CGNL1: variants seen among roughly 807,000 people sequenced by gnomAD.
The protein encoded by CGNL1 is cingulin-like protein 1.
A neutral mutation model predicts 141.2 loss-of-function variants in CGNL1; 132 were observed. The ratio of observed to expected loss-of-function variants is 0.93; its 90% CI spans 0.81 to 1.08. CGNL1 has a LOEUF of 1.08. CGNL1 is among the 50% of genes least tolerant of loss of function. The pLI, the probability that CGNL1 is intolerant of heterozygous loss-of-function variation, is 0.00. For synonymous variants in CGNL1, 690 were observed against 622.1 expected, an observed-to-expected ratio of 1.11 and a Z score of -1.63; for missense variants, 1,870 against 1,588.6, an observed-to-expected ratio of 1.18 and a Z score of -3.01.
At chr15:57,517,265 C>G (rs1279396647) in intron 9 of CGNL1, among the ~76,000 whole-genome samples, 1 of 152,234 alleles carries the variant, frequency 6.6e-6, no homozygotes, top group Non-Finnish European at 1.5e-5. Flanking sequence ...CCTTCCATGG[C>G]TTCACACAGG....
At chr15:57,387,297 C>CT (rs1285597451) in intron 1 of CGNL1, among the ~76,000 whole-genome samples, 2 of 152,142 alleles carry the variant, frequency 1.3e-5, no homozygotes, top group African/African-American at 4.8e-5. Context: ...TACCTGGTGT[C>CT]TTTTTTGCAG....
chr15:57,463,808 T>C (rs1249819744), intron 8 of CGNL1, among the ~76,000 whole-genome samples: 2 of 152,116 alleles, frequency 1.3e-5, no homozygotes, highest in Non-Finnish European at 2.9e-5. Context: ...ACGTGTAGAG[T>C]GACTTGCTCC....
intron 1 of CGNL1, among the ~76,000 whole-genome samples, chr15:57,394,345 G>A (rs1436820348): frequency 2.0e-5 from 3 of 151,886 alleles, no homozygotes; most frequent in African/African-American, 4.8e-5. Context: ...GGCTGCTCTC[G>A]AACTCCCGAC....
At chr15:57,406,546 G>T (rs2062725256) in intron 1 of CGNL1, among the ~76,000 whole-genome samples, 1 of 152,180 alleles carries the variant, frequency 6.6e-6, no homozygotes, top group African/African-American at 2.4e-5. Flanking sequence ...TGTGGAATTT[G>T]TTCTGCAATC....
chr15:57,400,525 C>T (rs1490404064), intron 1 of CGNL1, among the ~76,000 whole-genome samples: 1 of 152,156 alleles, frequency 6.6e-6, no homozygotes. Flanking sequence ...ACAGCACACA[C>T]AGCTTTGGAT....
At chr15:57,536,779 C>T (rs1208745143) in intron 14 of CGNL1, among the ~76,000 whole-genome samples, 3 of 152,160 alleles carry the variant, frequency 2.0e-5, no homozygotes, top group Non-Finnish European at 4.4e-5. Context: ...TCAGGGCTTT[C>T]AAGGTGAAGT....
Position 57,548,981 on chromosome 15 carries a change from C to G in CGNL1, c.*1491C>G, listed in dbSNP as rs1171265388. On this transcript the variant is annotated 3_prime_UTR_variant, in exon 19 of 19. Transcript: ENST00000281282. ...AGGAAGGGAAGAAAGAAACAGAAGT[C>G]AGGCAGAGGCGTGTCTGTGCAAACT... 1 of 152,378 alleles carries G rather than the reference C, an allele frequency of 6.6e-6. No individual in the cohort carries two copies. The highest frequency in any genetic ancestry group is 2.4e-5 in the African/African-American group (1 of 41,438). The allele number at this position is 152,378 out of a possible 1,614,324, so 9.4% of individuals were successfully genotyped here. A position where few individuals can be genotyped will look rare whatever the true frequency, so the allele number is the denominator to read the frequency against.
intron 10 of CGNL1, among the ~76,000 whole-genome samples, chr15:57,519,142 G>A (rs1333733567): frequency 6.6e-6 from 1 of 152,218 alleles, no homozygotes; most frequent in Non-Finnish European, 1.5e-5. Context: ...AGAAAGGCCT[G>A]TACTGCCGTT....
At chr15:57,531,851 G>T (rs1234071325) in intron 14 of CGNL1, 72 bp downstream of exon 14, 2 of 965,664 alleles carry the variant, frequency 2.1e-6, no homozygotes. Context: ...TAATCCTGGG[G>T]CTTCAGTTAA....
chr15:57,453,795 AG>A lies in CGNL1; in HGVS notation c.2170del (p.Glu724ArgfsTer5). ...ELDSAKRSED[R>X]EKGALIEELL... is the part of the protein sequence containing the mutation. ...GGACAGTGCAAAGCGATCGGAGGAC[AG>A]GGAGAAGGGAGCTCTGATTGAGGTA... On this transcript the variant is annotated frameshift_variant, in exon 7 of 19. Transcript: ENST00000281282. LOFTEE classifies it high-confidence loss of function. 6.2e-7 allele frequency: 1 copy of A among 1,613,722 alleles called. No individual in the cohort carries two copies. Among genetic ancestry groups the A allele is most frequent in the Non-Finnish European group, 8.5e-7 (1 of 1,179,906 alleles).
chr15:57,479,816 G>A (rs12594504), intron 8 of CGNL1, among the ~76,000 whole-genome samples: 19,512 of 152,160 alleles, frequency 0.13, 1,840 homozygotes, highest in East Asian at 0.45. Flanking sequence ...CAAAGGGATA[G>A]TGAGAAGATG....
rs2033054340 is a variant in CGNL1 at position 57,550,250 on chromosome 15, C to T, written c.*2760C>T. On this transcript the variant is annotated 3_prime_UTR_variant, in exon 19 of 19. Transcript: ENST00000281282. The stretch of plus-strand genomic sequence containing the variant: ...GAAGGGTTTTCAAGTCCCGGCTCAT[C>T]TCACCCCAGTGACTTTGACAGTGTG... The T allele has an allele frequency of 6.6e-6, 1 of 152,524 alleles. No homozygotes were observed. Among genetic ancestry groups the T allele is most frequent in the Non-Finnish European group, 1.5e-5 (1 of 68,056 alleles). The allele number at this position is 152,524 out of a possible 1,614,324, so 9.4% of individuals were successfully genotyped here. A position where few individuals can be genotyped will look rare whatever the true frequency, so the allele number is the denominator to read the frequency against.
chr15:57,387,135 T>A (rs1567087161), intron 1 of CGNL1, among the ~76,000 whole-genome samples: 2 of 152,234 alleles, frequency 1.3e-5, no homozygotes, highest in Admixed American at 6.5e-5. Flanking sequence ...CTCATCTATT[T>A]TCTGTTTCTG....
rs1343456375 is a variant in CGNL1 at position 57,452,159 on chromosome 15, GAAGA to G, written c.1925_1928del (p.Glu642GlyfsTer5). The G allele has an allele frequency of 2.5e-6, 4 of 1,613,128 alleles. No individual in the cohort carries two copies. In the African/African-American group the frequency reaches 4.0e-5, roughly 16 times the overall value. On this transcript the variant is annotated frameshift_variant, in exon 6 of 19. Transcript: ENST00000281282. LOFTEE classifies it high-confidence loss of function. ...CTGTTAGAATCAACAGAACATTAAA[GAAGA>G]GAGAGAGAGGATGAGAGCAAACCTA...
At chr15:57,432,548 A>G (rs1318104506) in intron 1 of CGNL1, among the ~76,000 whole-genome samples, 1 of 152,180 alleles carries the variant, frequency 6.6e-6, no homozygotes, top group Non-Finnish European at 1.5e-5. Flanking sequence ...AAGTGCCACA[A>G]TGTTGCATCC....
intron 1 of CGNL1, among the ~76,000 whole-genome samples, chr15:57,399,380 TC>T (rs1287845869): frequency 1.3e-5 from 2 of 152,204 alleles, no homozygotes; most frequent in Non-Finnish European, 2.9e-5. Context: ...TTTAATTTAA[TC>T]CCCAAATTCT....
Position 57,547,420 on chromosome 15 carries a change from G to A in CGNL1, c.3839G>A (p.Gly1280Glu), listed in dbSNP as rs750418145. The A allele has an allele frequency of 1.5e-5, 25 of 1,614,082 alleles. No homozygotes were observed. Among genetic ancestry groups the A allele is most frequent in the Non-Finnish European group, 2.0e-5 (24 of 1,180,032 alleles). ...MDDDDDLSTD[G>E]GSLYEAPVSY... ...GACGACGATGACCTCAGCACGGATG[G>A]GGGAAGCCTCTATGAGGCGCCTGTG... is the stretch of plus-strand genomic sequence containing the variant. Residue 1280 changes from glycine (G) to glutamate (E), a missense_variant, in exon 19 of 19, where the codon GGG becomes GAG. Coordinates refer to ENST00000281282, the MANE Select transcript of CGNL1 (RefSeq NM_032866.5).
Position 57,392,117 on chromosome 15 carries a change from G to C in CGNL1, c.-16+15550G>C, listed in dbSNP as rs532608278. Among the ~76,000 whole-genome samples, 3 of 152,280 alleles carry C rather than the reference G, an allele frequency of 2.0e-5. No individual in the cohort carries two copies. In the South Asian group the frequency reaches 6.2e-4, roughly 32 times the overall value. ...GGTTATTTCTGGGCCATGGGATGGTGCTGTGGTTTTGTTTTCCATTTCATG... is the reference window on the plus strand; with the variant it reads ...GGTTATTTCTGGGCCATGGGATGGTCCTGTGGTTTTGTTTTCCATTTCATG... On this transcript the variant is annotated intron_variant, in intron 1 of 18. Transcript: ENST00000281282.
At chr15:57,526,558 AT>A (rs2031628622) in intron 12 of CGNL1, among the ~76,000 whole-genome samples, 1 of 152,062 alleles carries the variant, frequency 6.6e-6, no homozygotes, top group South Asian at 2.1e-4. Context: ...AGAAATAGGC[AT>A]TTTTCACCCA....
Sources: allele counts gnomAD v4.1 joint callset (sites outside exome capture counted in the v4.1 genomes callset), GRCh38; gene constraint gnomAD v4.1.1; transcripts MANE v1.5; gene names NCBI Gene and HGNC (gene_info 2026-07-23, HGNC 2026-07-21).